Variants in RAD17 observed in about 807,000 individuals in gnomAD.
RAD17 encodes the protein cell cycle checkpoint protein RAD17.
Under a neutral mutation model 81.5 loss-of-function variants are expected in RAD17, and 31 were observed. The ratio of observed to expected loss-of-function variants is 0.38; its 90% CI spans 0.29 to 0.51. The LOEUF (loss-of-function observed/expected upper bound fraction) is 0.51, where lower values mean the gene tolerates loss of function less well. Ranked by LOEUF, RAD17 falls within the 20% of genes least tolerant of loss-of-function variation. The pLI is 0.88. For synonymous variants in RAD17, 261 were observed against 266.2 expected (o/e 0.98, Z 0.19); for missense variants, 681 against 781.2 (o/e 0.87, Z 1.53).
At chr5:69,386,581 T>C (rs1764227882) in intron 11 of RAD17, 116 bp downstream of exon 11, 3 of 1,190,032 alleles carry the variant, frequency 2.5e-6, no homozygotes, top group Non-Finnish European at 3.3e-6. Context: ...CATTTTATTA[T>C]ACTCATAAGG....
chr5:69,407,631 C>T (rs868157909), intron 17 of RAD17, among the ~76,000 whole-genome samples: 12 of 115,386 alleles, frequency 1.0e-4, no homozygotes, highest in Middle Eastern at 9.8e-3. Flanking sequence ...GGCTGGAGTG[C>T]GGTAGCACCA....
At chr5:69,376,113 TCTC>T (rs1374287590) in intron 6 of RAD17, among the ~76,000 whole-genome samples, 1 of 152,210 alleles carries the variant, frequency 6.6e-6, no homozygotes, top group African/African-American at 2.4e-5. Flanking sequence ...TATTTGTGGT[TCTC>T]CTGCTGTCTT....
At chr5:69,369,506 G>A (rs1580336434), upstream of RAD17, 7 of 1,611,152 alleles carry the variant, frequency 4.3e-6, no homozygotes, top group South Asian at 1.1e-5. Context: ...CCGCCGCGAC[G>A]GCTTCGGGCG....
chr5:69,394,099 C>T (rs1030080386), intron 15 of RAD17, among the ~76,000 whole-genome samples: 12 of 144,768 alleles, frequency 8.3e-5, no homozygotes, highest in Non-Finnish European at 1.2e-4. Context: ...TTTTTGCCCA[C>T]GCTGGAGTCC....
intron 5 of RAD17, 66 bp downstream of exon 5, chr5:69,374,153 G>A: frequency 7.6e-7 from 1 of 1,317,012 alleles, no homozygotes; most frequent in South Asian, 1.4e-5. Flanking sequence ...TAGATGGGAA[G>A]CAGAGGGATT....
intron 17 of RAD17, among the ~76,000 whole-genome samples, chr5:69,410,167 C>T (rs779964729): frequency 1.3e-5 from 2 of 152,056 alleles, no homozygotes; most frequent in African/African-American, 2.4e-5. Context: ...TGGGTATATA[C>T]CCAGAAGTGG....
chr5:69,398,868 T>A (rs1298140646), intron 16 of RAD17, among the ~76,000 whole-genome samples: 2 of 109,870 alleles, frequency 1.8e-5, no homozygotes, highest in African/African-American at 3.4e-5. Flanking sequence ...ATCTCCTGGT[T>A]AAAAAAAAAA....
intron 6 of RAD17, among the ~76,000 whole-genome samples, chr5:69,380,077 C>T (rs182857876): frequency 1.3e-5 from 2 of 152,130 alleles, no homozygotes; most frequent in African/African-American, 4.8e-5. Context: ...GATGGGGTTT[C>T]TCCATGTTGG....
chr5:69,393,563 GTTTACTTTTA>G, intron 15 of RAD17, 63 bp downstream of exon 15: 1 of 1,458,350 alleles, frequency 6.9e-7, no homozygotes, highest in Non-Finnish European at 9.3e-7. Context: ...AGAAAAGAAA[GTTTACTTTTA>G]TCCCTAATTG....
chr5:69,406,041 C>CAAAAAAAAAAA (rs57655302), intron 17 of RAD17, among the ~76,000 whole-genome samples: 1 of 127,402 alleles, frequency 7.8e-6, no homozygotes, highest in Non-Finnish European at 1.7e-5. Flanking sequence ...GACTCCATCT[C>CAAAAAAAAAAA]AAAAAAAAAA....
intron 6 of RAD17, among the ~76,000 whole-genome samples, chr5:69,378,236 C>T (rs1021639615): frequency 1.1e-4 from 16 of 152,138 alleles, no homozygotes; most frequent in Non-Finnish European, 1.3e-4. Flanking sequence ...ATTTTAAATA[C>T]GATATACCAA....
At chr5:69,381,152 C>T (rs1044297324) in intron 6 of RAD17, among the ~76,000 whole-genome samples, 1 of 152,004 alleles carries the variant, frequency 6.6e-6, no homozygotes, top group Non-Finnish European at 1.5e-5. Flanking sequence ...ATTTGTATAA[C>T]AGTAACTTAT....
chr5:69,404,458 C>G (rs1456357297), intron 17 of RAD17, among the ~76,000 whole-genome samples: 4 of 149,782 alleles, frequency 2.7e-5, no homozygotes, highest in African/African-American at 7.4e-5. Flanking sequence ...ATGGTGAAAC[C>G]CTGTCTCTAC....
intron 16 of RAD17, among the ~76,000 whole-genome samples, chr5:69,399,282 A>G (rs763713861): frequency 1.9e-4 from 29 of 152,238 alleles, no homozygotes; most frequent in Admixed American, 9.2e-4. Flanking sequence ...GAAGTATAAC[A>G]CTGGCTCATA....
Position 69,393,248 on chromosome 5 carries a change from C to T in RAD17, c.1275+8C>T. 1 of 1,593,616 alleles carries T rather than the reference C, an allele frequency of 6.3e-7. No individual in the cohort carries two copies. On this transcript the variant is annotated splice_region_variant and intron_variant, in intron 14 of 18. Transcript: ENST00000354868. Reference sequence around the variant, plus strand: ...TTACTTGTTGAACCTGAGGTAAGTTCTTTGATGACACTTAGTATAGGTTAC... The same window carrying T: ...TTACTTGTTGAACCTGAGGTAAGTTTTTTGATGACACTTAGTATAGGTTAC...
chr5:69,385,628 GATA>G (rs1189129906), intron 8 of RAD17, among the ~76,000 whole-genome samples: 8 of 152,254 alleles, frequency 5.3e-5, no homozygotes, highest in African/African-American at 1.7e-4. Context: ...TATCTTACAT[GATA>G]ATGTTAACTT....
chr5:69,407,878 G>T (rs1765729258), intron 17 of RAD17, among the ~76,000 whole-genome samples: 2 of 152,052 alleles, frequency 1.3e-5, no homozygotes, highest in African/African-American at 4.8e-5. Flanking sequence ...GATACTTCTG[G>T]TTCAAATCTA....
intron 18 of RAD17, among the ~76,000 whole-genome samples, chr5:69,411,269 G>A (rs1159620480): frequency 6.6e-6 from 1 of 151,732 alleles, no homozygotes; most frequent in Admixed American, 6.6e-5. Flanking sequence ...AATTTAGCTG[G>A]GTGTGGTGGC....
intron 6 of RAD17, among the ~76,000 whole-genome samples, chr5:69,376,082 A>G (rs1303693132): frequency 6.6e-6 from 1 of 152,204 alleles, no homozygotes; most frequent in Non-Finnish European, 1.5e-5. Context: ...TGTATGTTGT[A>G]TAGGGCGTCA....
Sources: allele counts gnomAD v4.1 joint callset (sites outside exome capture counted in the v4.1 genomes callset), GRCh38; gene constraint gnomAD v4.1.1; transcripts MANE v1.5; gene names NCBI Gene and HGNC (gene_info 2026-07-23, HGNC 2026-07-21).